Variants in NKAIN3 observed in about 807,000 individuals in gnomAD.
The protein encoded by NKAIN3 is sodium/potassium-transporting ATPase subunit beta-1-interacting protein 3.
A neutral mutation model predicts 30.2 loss-of-function variants in NKAIN3; 25 were observed. The ratio of observed to expected loss-of-function variants is 0.83; its 90% confidence interval spans 0.60 to 1.16. NKAIN3 has a LOEUF of 1.16. Among genes scored for constraint, NKAIN3 ranks in the 50% most tolerant of loss-of-function variants. The pLI, the probability that NKAIN3 is intolerant of heterozygous loss-of-function variation, is 0.00. For missense variants in NKAIN3, 225 were observed against 254.1 expected (o/e 0.89, Z 0.78); for synonymous variants, 91 against 89.6 (o/e 1.02, Z -0.09).
intron 1 of NKAIN3, among the ~76,000 whole-genome samples, chr8:62,448,712 G>T (rs1418593963): frequency 6.6e-6 from 1 of 151,888 alleles, no homozygotes; most frequent in Non-Finnish European, 1.5e-5. Flanking sequence ...AATAATGGAA[G>T]ATGTGGAAGA....
chr8:62,859,520 A>AAAAAAAAAAAAAAAAAAAAAAAAAAAAT (rs1345936181), intron 4 of NKAIN3, among the ~76,000 whole-genome samples: 2 of 150,554 alleles, frequency 1.3e-5, no homozygotes, highest in African/African-American at 2.4e-5. Context: ...AAAAAAAAAA[A>AAAAAAAAAAAAAAAAAAAAAAAAAAAAT]ACTTCATGGA....
At chr8:62,337,574 C>CACATATAT in intron 1 of NKAIN3, among the ~76,000 whole-genome samples, 1 of 150,444 alleles carries the variant, frequency 6.6e-6, no homozygotes, top group African/African-American at 2.4e-5. Context: ...AAGTATAGTA[C>CACATATAT]ATATATATAT....
chr8:62,509,172 A>T (rs909636979), intron 1 of NKAIN3, among the ~76,000 whole-genome samples: 1 of 152,128 alleles, frequency 6.6e-6, no homozygotes, highest in African/African-American at 2.4e-5. Context: ...GATCATAGAG[A>T]GTAGGAGATA....
intron 6 of NKAIN3, among the ~76,000 whole-genome samples, chr8:62,961,333 C>T (rs1224381377): frequency 6.6e-6 from 1 of 151,642 alleles, no homozygotes; most frequent in Non-Finnish European, 1.5e-5. Flanking sequence ...AGATGTGCTA[C>T]AATAAGAAGT....
chr8:62,930,167 T>G (rs752169731), intron 5 of NKAIN3, among the ~76,000 whole-genome samples: 1 of 152,174 alleles, frequency 6.6e-6, no homozygotes, highest in Non-Finnish European at 1.5e-5. Flanking sequence ...AACTTTTTCA[T>G]CATCCTAAAC....
intron 5 of NKAIN3, among the ~76,000 whole-genome samples, chr8:62,943,041 T>C (rs1247785591): frequency 6.6e-6 from 1 of 152,138 alleles, no homozygotes; most frequent in African/African-American, 2.4e-5. Flanking sequence ...AGATAGGACT[T>C]AATTAAACTA....
intron 4 of NKAIN3, among the ~76,000 whole-genome samples, chr8:62,757,912 G>T (rs900364955): frequency 7.2e-5 from 11 of 152,144 alleles, no homozygotes; most frequent in African/African-American, 2.7e-4. Context: ...TTTGTAAACA[G>T]GTGACATATA....
In NKAIN3 at chr8:62,386,914, TGAGAGAGAGAGA is replaced by T. The variant is rs141443243; in HGVS notation, c.54+137804_54+137815del. On this transcript the variant is annotated intron_variant, in intron 1 of 6. Transcript: ENST00000623646. Reference sequence around the variant, plus strand: ...TACTTGGTGTTTCCGAATTGATATATGAGAGAGAGAGAGAGAGAGAGAGAGAGAAAGAGAGAG... The same window carrying T: ...TACTTGGTGTTTCCGAATTGATATATGAGAGAGAGAGAGAGAAAGAGAGAG... Among the ~76,000 whole-genome samples, 12 of 147,976 alleles carry T rather than the reference TGAGAGAGAGAGA, an allele frequency of 8.1e-5. No homozygotes were observed. The South Asian group carries it at 1.9e-3, about 24-fold the overall frequency.
At chr8:62,755,688 A>G (rs547556409) in intron 4 of NKAIN3, among the ~76,000 whole-genome samples, 3 of 152,096 alleles carry the variant, frequency 2.0e-5, no homozygotes, top group Non-Finnish European at 2.9e-5. Context: ...TGCTCATACC[A>G]AATTTTGAGC....
chr8:62,402,015 C>T (rs1803890752), intron 1 of NKAIN3, among the ~76,000 whole-genome samples: 1 of 152,174 alleles, frequency 6.6e-6, no homozygotes, highest in Admixed American at 6.5e-5. Flanking sequence ...CTTCAAGTGT[C>T]CCCTGATCAC....
intron 3 of NKAIN3, among the ~76,000 whole-genome samples, chr8:62,726,368 T>G (rs1474331501): frequency 6.6e-6 from 1 of 152,096 alleles, no homozygotes; most frequent in Non-Finnish European, 1.5e-5. Flanking sequence ...CCTTGTTGTA[T>G]TCCAGATCTT....
At chr8:62,322,027 G>A (rs557086971) in intron 1 of NKAIN3, among the ~76,000 whole-genome samples, 1 of 152,272 alleles carries the variant, frequency 6.6e-6, no homozygotes, top group African/African-American at 2.4e-5. Context: ...CCTCGGCAAT[G>A]GCCGACACCC....
At chr8:62,264,795 T>C (rs1206085425) in intron 1 of NKAIN3, among the ~76,000 whole-genome samples, 4 of 152,146 alleles carry the variant, frequency 2.6e-5, no homozygotes, top group Admixed American at 2.6e-4. Flanking sequence ...ATTGTGATGG[T>C]AAAATTACAA....
At chr8:62,893,592 G>A (rs1253889023) in intron 4 of NKAIN3, among the ~76,000 whole-genome samples, 1 of 152,168 alleles carries the variant, frequency 6.6e-6, no homozygotes, top group Non-Finnish European at 1.5e-5. Flanking sequence ...GTGAACTGGA[G>A]AAGTGAGGGG....
chr8:62,652,936 A>G (rs1024952870), intron 3 of NKAIN3, among the ~76,000 whole-genome samples: 2 of 152,310 alleles, frequency 1.3e-5, no homozygotes, highest in South Asian at 4.1e-4. Flanking sequence ...TGCATTGATA[A>G]CAAGAGCCTG....
In NKAIN3 at chr8:62,834,128, C is replaced by T. The variant is rs535442705; in HGVS notation, c.472-84325C>T. Among the ~76,000 whole-genome samples, 3 of 152,134 alleles carry T rather than the reference C, an allele frequency of 2.0e-5. No individual in the cohort carries two copies. The East Asian group carries it at 5.8e-4, about 29-fold the overall frequency. On this transcript the variant is annotated intron_variant, in intron 4 of 6. Transcript: ENST00000623646. The stretch of plus-strand genomic sequence containing the variant: ...AGGCTTTTGGTAAAATCCAAAATGG[C>T]TTTATGATAAAAACACTCAACGAAT...
At chr8:62,734,054 A>G (rs1815569280) in intron 3 of NKAIN3, among the ~76,000 whole-genome samples, 1 of 152,142 alleles carries the variant, frequency 6.6e-6, no homozygotes, top group African/African-American at 2.4e-5. Flanking sequence ...GGCCATTGCA[A>G]AAGGGCTGCT....
chr8:62,650,923 A>C (rs903851052), intron 3 of NKAIN3, among the ~76,000 whole-genome samples: 1 of 152,174 alleles, frequency 6.6e-6, no homozygotes, highest in East Asian at 1.9e-4. Flanking sequence ...TGGCTGAAAT[A>C]ATATTTTCTT....
At chr8:62,870,810 G>A (rs1188377772) in intron 4 of NKAIN3, among the ~76,000 whole-genome samples, 1 of 148,990 alleles carries the variant, frequency 6.7e-6, no homozygotes, top group East Asian at 2.0e-4. Context: ...CCTCTGGAAT[G>A]CCCTGGTTAA....
Sources: gnomAD v4.1 joint callset for allele counts (sites outside exome capture counted in the v4.1 genomes callset) on GRCh38, gnomAD v4.1.1 for gene constraint, MANE v1.5 for transcripts, NCBI Gene and HGNC (gene_info 2026-07-23, HGNC 2026-07-21) for gene names.